TPCN2: variants seen among roughly 807,000 people sequenced by gnomAD.
The protein encoded by TPCN2 is two pore segment channel 2.
In TPCN2, 92 loss-of-function variants were observed where a neutral mutation model predicts 111.4. The observed-to-expected ratio is 0.83, with a 90% CI of 0.70 to 0.98. The LOEUF (loss-of-function observed/expected upper bound fraction) is 0.98, where lower values mean the gene tolerates loss of function less well. Among genes scored for constraint, TPCN2 ranks in the 50% least tolerant of loss-of-function variants. The pLI is 0.00. For synonymous variants in TPCN2, 405 were observed against 414.5 expected (o/e 0.98, Z 0.28); for missense variants, 995 against 980.1 (o/e 1.02, Z -0.20).
At chr11:69,067,161 C>A (rs1231870235) in intron 7 of TPCN2, among the ~76,000 whole-genome samples, 1 of 152,222 alleles carries the variant, frequency 6.6e-6, no homozygotes, top group East Asian at 1.9e-4. Flanking sequence ...TGCCCCGTAG[C>A]CTCACTGCTT....
chr11:69,075,234 CAATAATGCTGACT>C (rs1021300401), intron 13 of TPCN2, among the ~76,000 whole-genome samples: 1 of 152,194 alleles, frequency 6.6e-6, no homozygotes, highest in African/African-American at 2.4e-5. Flanking sequence ...CTTCTTTCCT[CAATAATGCTGACT>C]GTAGAGGGGA....
chr11:69,060,798 G>A (rs1380465223), intron 5 of TPCN2, among the ~76,000 whole-genome samples: 1 of 152,206 alleles, frequency 6.6e-6, no homozygotes, highest in Non-Finnish European at 1.5e-5. Context: ...CCTGTAGAGG[G>A]GCTGAAAGAA....
intron 3 of TPCN2, 143 bp from the exon 4 acceptor site, chr11:69,055,032 C>A: frequency 1.0e-6 from 1 of 963,922 alleles, no homozygotes; most frequent in Non-Finnish European, 1.6e-6. Flanking sequence ...GAGCTTTGAG[C>A]AGATTCGTGA....
In TPCN2 at chr11:69,086,980, C is replaced by T. The variant is rs140750603; in HGVS notation, c.2086-132C>T. 708 of 721,436 alleles carry T rather than the reference C, an allele frequency of 9.8e-4. 6 individuals are homozygous for T. The East Asian group carries it at 0.017, about 17-fold the overall frequency. The allele number at this position is 721,436 out of a possible 1,614,324, so 44.7% of individuals were successfully genotyped here. On this transcript the variant is annotated intron_variant, in intron 23 of 24. Transcript: ENST00000294309. ...AGCCAGCAGCCTCGTGGGGCCTGTG[C>T]CTGGGTGTCCAGGGTGAATGGCTCA...
intron 20 of TPCN2, 32 bp from the exon 21 acceptor site, chr11:69,085,639 C>T (rs573174670): frequency 3.3e-5 from 48 of 1,452,022 alleles, no homozygotes; most frequent in East Asian, 3.2e-4. Flanking sequence ...CTGGAGCCCC[C>T]GCCCCTGACC....
At chr11:69,050,658 G>A (rs1214308874) in intron 1 of TPCN2, among the ~76,000 whole-genome samples, 3 of 152,246 alleles carry the variant, frequency 2.0e-5, no homozygotes, top group Admixed American at 6.5e-5. Flanking sequence ...GATTACAGGC[G>A]TGAGCCACTG....
chr11:69,061,681 C>T (rs1855027600), intron 5 of TPCN2, among the ~76,000 whole-genome samples: 1 of 151,948 alleles, frequency 6.6e-6, no homozygotes. Context: ...CAGGTGGGTC[C>T]CAGTGGCCAG....
intron 17 of TPCN2, among the ~76,000 whole-genome samples, 164 bp downstream of exon 17, chr11:69,080,047 C>T (rs978655843): frequency 3.3e-5 from 5 of 152,174 alleles, no homozygotes; most frequent in Admixed American, 6.5e-5. Context: ...GAGGCTGTGT[C>T]GGGGCAGGGC....
Position 69,085,740 on chromosome 11 carries a change from C to G in TPCN2, c.1908C>G (p.Phe636Leu). The G allele has an allele frequency of 6.2e-7, 1 of 1,614,126 alleles. No individual in the cohort carries two copies. Among genetic ancestry groups the G allele is most frequent in the Non-Finnish European group, 8.5e-7 (1 of 1,179,972 alleles). ...FEQLEYWANN[F>L]DDFAAALVTL... ...AGCTGGAGTACTGGGCCAACAACTT[C>G]GATGACTTTGCGGTGAGCCCTGCGC... The change falls in exon 21 of 25, where the codon TTC becomes TTG. Residue 636 changes from phenylalanine (F) to leucine (L), a missense_variant. Coordinates refer to ENST00000294309, the MANE Select transcript of TPCN2 (RefSeq NM_139075.4).
At chr11:69,069,118 C>T (rs1186650212) in intron 8 of TPCN2, among the ~76,000 whole-genome samples, 6 of 135,072 alleles carry the variant, frequency 4.4e-5, no homozygotes, top group African/African-American at 1.4e-4. Context: ...AGGAAGTGAC[C>T]GCAGTGGGAG....
intron 4 of TPCN2, among the ~76,000 whole-genome samples, chr11:69,056,374 TATC>T (rs1471990305): frequency 6.6e-6 from 1 of 152,168 alleles, no homozygotes; most frequent in African/African-American, 2.4e-5. Context: ...CTTTGTAGCT[TATC>T]ATGTGGTTAG....
chr11:69,070,719 C>T (rs1273730257), intron 9 of TPCN2, among the ~76,000 whole-genome samples: 1 of 148,534 alleles, frequency 6.7e-6, no homozygotes, highest in Non-Finnish European at 1.5e-5. Flanking sequence ...GATCTCCCGC[C>T]AACAGGTTCA....
Position 69,083,942 on chromosome 11 carries a change from C to A in TPCN2, c.1690-3C>A. ...AAGGGCTGTGCTCTCTTCCTGTCCT[C>A]AGCTGATGGCCGTGGTGGCCAGTAC... is the stretch of plus-strand genomic sequence containing the variant. On this transcript the variant is annotated splice_region_variant and splice_polypyrimidine_tract_variant and intron_variant, in intron 18 of 24. Transcript: ENST00000294309. 6.2e-7 allele frequency: 1 copy of A among 1,614,026 alleles called. No individual in the cohort carries two copies. Among genetic ancestry groups the A allele is most frequent in the South Asian group, 1.1e-5 (1 of 91,076 alleles).
In TPCN2 at chr11:69,072,118, C is replaced by T. The variant is rs1405941236; in HGVS notation, c.1061+95C>T. ...TTCATTAGGGGCTTCTTGTGCTTGGCCTGTGCCTCGCCCCTGCTGGCTGGC... is the reference window on the plus strand; with the variant it reads ...TTCATTAGGGGCTTCTTGTGCTTGGTCTGTGCCTCGCCCCTGCTGGCTGGC... On this transcript the variant is annotated intron_variant, in intron 11 of 24. Transcript: ENST00000294309. 4.7e-6 allele frequency: 5 copies of T among 1,074,254 alleles called. No individual in the cohort carries two copies. In the African/African-American group the frequency reaches 7.9e-5, roughly 17 times the overall value. The allele number at this position is 1,074,254 out of a possible 1,614,324, so 66.5% of individuals were successfully genotyped here.
intron 17 of TPCN2, among the ~76,000 whole-genome samples, chr11:69,080,841 G>C (rs528450143): frequency 6.6e-6 from 1 of 152,206 alleles, no homozygotes; most frequent in African/African-American, 2.4e-5. Flanking sequence ...TTACCTTGGG[G>C]GGCTGACACT....
At chr11:69,080,001 C>T in intron 17 of TPCN2, 118 bp downstream of exon 17, 1 of 911,294 alleles carries the variant, frequency 1.1e-6, no homozygotes. Context: ...AGGGCAGACC[C>T]CGTGATGGTG....
chr11:69,064,111 A>C, intron 7 of TPCN2, 144 bp downstream of exon 7: 1 of 798,812 alleles, frequency 1.3e-6, no homozygotes, highest in Admixed American at 2.1e-5. Context: ...GGGGTCCAGG[A>C]GTCTGCCTTT....
intron 13 of TPCN2, among the ~76,000 whole-genome samples, chr11:69,073,826 C>T (rs932178527): frequency 4.6e-5 from 7 of 151,634 alleles, no homozygotes; most frequent in Non-Finnish European, 8.8e-5. Flanking sequence ...GGCCTCTCTC[C>T]GTGGCTTGTA....
intron 16 of TPCN2, 181 bp from the exon 17 acceptor site, chr11:69,079,653 C>G: frequency 1.7e-6 from 1 of 582,882 alleles, no homozygotes. Flanking sequence ...GGGTGTCTTT[C>G]CAGCTGAAAG....
Sources: allele counts gnomAD v4.1 joint callset (sites outside exome capture counted in the v4.1 genomes callset), GRCh38; gene constraint gnomAD v4.1.1; transcripts MANE v1.5; gene names NCBI Gene and HGNC (gene_info 2026-07-23, HGNC 2026-07-21).